The following ALK variants were observed in gnomAD, a reference collection of about 807,000 sequenced individuals.
The protein encoded by ALK is ALK receptor tyrosine kinase.
ALK carries 74 observed loss-of-function variants against 163.1 expected under a neutral mutation model. The ratio of observed to expected loss-of-function variants is 0.45; its 90% confidence interval spans 0.38 to 0.55. ALK has a LOEUF of 0.55. Among genes scored for constraint, ALK ranks in the 20% least tolerant of loss-of-function variants. The pLI, the probability that ALK is intolerant of heterozygous loss-of-function variation, is 0.00. For missense variants in ALK, 2,063 were observed against 2,105.3 expected, an observed-to-expected ratio of 0.98 and a Z score of 0.39; for synonymous variants, 960 against 843.2, an observed-to-expected ratio of 1.14 and a Z score of -2.40.
chr2:29,243,582 G>C (rs947852461), intron 12 of ALK, among the ~76,000 whole-genome samples: 3 of 152,332 alleles, frequency 2.0e-5, no homozygotes, highest in Admixed American at 6.5e-5. Context: ...GGGCGAACCA[G>C]GGCATGGCCA....
intron 3 of ALK, among the ~76,000 whole-genome samples, chr2:29,586,242 T>A (rs1259534349): frequency 2.4e-5 from 2 of 82,096 alleles, no homozygotes. Context: ...GATATTAACA[T>A]TTTTTTTTTT....
chr2:29,636,356 GAAAAGAAAAGAAAAGAAAAGAAAA>G (rs1676530509), intron 3 of ALK, among the ~76,000 whole-genome samples: 2 of 21,858 alleles, frequency 9.1e-5, no homozygotes, highest in South Asian at 2.7e-3. Context: ...GAAAAGAAAA[GAAAAGAAAAGAAAAGAAAAGAAAA>G]GAAAGATAAA....
chr2:29,799,707 T>C (rs1408902615), intron 1 of ALK, among the ~76,000 whole-genome samples: 5 of 151,802 alleles, frequency 3.3e-5, no homozygotes, highest in Non-Finnish European at 5.9e-5. Flanking sequence ...TAAATAAAAA[T>C]GTAAAACAAT....
chr2:29,511,245 C>A (rs1383073508), intron 4 of ALK, among the ~76,000 whole-genome samples: 3 of 152,220 alleles, frequency 2.0e-5, no homozygotes, highest in East Asian at 1.9e-4. Context: ...TCATCTCCAA[C>A]CCTCTCTCTA....
intron 4 of ALK, among the ~76,000 whole-genome samples, chr2:29,423,000 G>A (rs1232585178): frequency 6.6e-6 from 1 of 151,466 alleles, no homozygotes; most frequent in East Asian, 1.9e-4. Flanking sequence ...CAGGGGAGAT[G>A]AGCGTGGGTA....
intron 1 of ALK, among the ~76,000 whole-genome samples, chr2:29,866,336 GTCAGCCCA>G (rs1558525136): frequency 6.6e-6 from 1 of 152,218 alleles, no homozygotes; most frequent in Non-Finnish European, 1.5e-5. Flanking sequence ...AGGAAGGGCA[GTCAGCCCA>G]TCCATGTTTG....
At chr2:29,885,906 G>C (rs1369905603) in intron 1 of ALK, among the ~76,000 whole-genome samples, 1 of 152,144 alleles carries the variant, frequency 6.6e-6, no homozygotes, top group Admixed American at 6.5e-5. Flanking sequence ...AAGCAAAAAA[G>C]TCAGACAGAA....
intron 3 of ALK, among the ~76,000 whole-genome samples, chr2:29,639,572 A>G (rs115089037): frequency 0.021 from 3,262 of 152,350 alleles, 42 homozygotes; most frequent in Non-Finnish European, 0.035. Flanking sequence ...ATATATTTAT[A>G]GAATAGGAAA....
chr2:29,741,743 G>C (rs1680065298), intron 1 of ALK, among the ~76,000 whole-genome samples: 1 of 152,088 alleles, frequency 6.6e-6, no homozygotes. Flanking sequence ...AAGCCTCTTT[G>C]GCCTCTATCC....
At chr2:29,691,721 G>C (rs1678402772) in intron 3 of ALK, among the ~76,000 whole-genome samples, 2 of 152,040 alleles carry the variant, frequency 1.3e-5, no homozygotes, top group South Asian at 4.1e-4. Context: ...TTTTGTCATA[G>C]CACTCAGTGT....
intron 1 of ALK, among the ~76,000 whole-genome samples, chr2:29,737,195 G>A (rs1003350665): frequency 6.6e-6 from 1 of 152,124 alleles, no homozygotes; most frequent in Admixed American, 6.5e-5. Context: ...AAATATATAG[G>A]TGCTAGCTAG....
chr2:29,769,026 G>A (rs903242637), intron 1 of ALK, among the ~76,000 whole-genome samples: 1 of 151,932 alleles, frequency 6.6e-6, no homozygotes, highest in African/African-American at 2.4e-5. Context: ...TACAGATAGG[G>A]TTTTATCATG....
intron 1 of ALK, among the ~76,000 whole-genome samples, chr2:29,727,964 C>T (rs934059588): frequency 1.3e-5 from 2 of 152,072 alleles, no homozygotes; most frequent in African/African-American, 4.8e-5. Flanking sequence ...GAAGTCATCT[C>T]GTTAGTGAAA....
intron 26 of ALK, among the ~76,000 whole-genome samples, chr2:29,202,009 A>G (rs576136927): frequency 5.8e-4 from 88 of 152,192 alleles, no homozygotes; most frequent in African/African-American, 2.0e-3. Flanking sequence ...CCGGCATCCC[A>G]TGGTGTTTAG....
intron 4 of ALK, among the ~76,000 whole-genome samples, chr2:29,413,884 C>T (rs953934911): frequency 2.0e-5 from 3 of 152,162 alleles, no homozygotes; most frequent in East Asian, 1.9e-4. Context: ...GCCACTCTGC[C>T]GAACTCCTGA....
intron 4 of ALK, among the ~76,000 whole-genome samples, chr2:29,501,126 C>T (rs1410417255): frequency 1.3e-5 from 2 of 152,204 alleles, no homozygotes; most frequent in African/African-American, 4.8e-5. Context: ...TCCCCCAGCT[C>T]ATCCTTCCAA....
chr2:29,511,243 A>G (rs1313983534), intron 4 of ALK, among the ~76,000 whole-genome samples: 1 of 151,950 alleles, frequency 6.6e-6, no homozygotes, highest in Non-Finnish European at 1.5e-5. Flanking sequence ...CATCATCTCC[A>G]ACCCTCTCTC....
rs143759682 is a variant in ALK, at chr2:29,701,239, G to A, written c.788-6225C>T. On this transcript the variant is annotated intron_variant, in intron 2 of 28. Coordinates refer to ENST00000389048, the MANE Select transcript of ALK (RefSeq NM_004304.5). The stretch of plus-strand genomic sequence containing the variant: ...AGGCCCTTTATGCCTCCTTAACCTT[G>A]AGCCTGTTAACCCAGAGACTAGTTT... Among the ~76,000 whole-genome samples the A allele has an allele frequency of 8.0e-3, 1,214 of 152,252 alleles. 15 individuals carry two copies. Among genetic ancestry groups the A allele is most frequent in the South Asian group, 0.043 (206 of 4,804 alleles).
intron 4 of ALK, among the ~76,000 whole-genome samples, chr2:29,494,828 A>C (rs2148127289): frequency 7.0e-6 from 1 of 141,912 alleles, no homozygotes; most frequent in Non-Finnish European, 1.5e-5. Context: ...AGAAGCTCAA[A>C]GCTCTTTAGA....
Sources: allele counts gnomAD v4.1 joint callset (sites outside exome capture counted in the v4.1 genomes callset), GRCh38; gene constraint gnomAD v4.1.1; transcripts MANE v1.5; gene names NCBI Gene and HGNC (gene_info 2026-07-23, HGNC 2026-07-21).